Variants in ATP8B4 observed in about 807,000 individuals in gnomAD.
ATP8B4 encodes the protein probable phospholipid-transporting ATPase IM.
ATP8B4 carries 133 observed loss-of-function variants against 145.6 expected under a neutral mutation model. The ratio of observed to expected loss-of-function variants is 0.91; its 90% CI spans 0.79 to 1.05. The LOEUF is 1.05. ATP8B4 is among the 50% of genes least tolerant of loss of function. The probability of loss-of-function intolerance (pLI) is 0.00; values close to 1 mark genes in which losing one functional copy is unlikely to be tolerated. For missense variants in ATP8B4, 1,458 were observed against 1,425.2 expected (o/e 1.02, Z -0.37); for synonymous variants, 507 against 492.9 (o/e 1.03, Z -0.38).
intron 9 of ATP8B4, among the ~76,000 whole-genome samples, chr15:49,988,719 A>G (rs1258908270): frequency 1.3e-5 from 2 of 152,196 alleles, no homozygotes; most frequent in Non-Finnish European, 2.9e-5. Context: ...GAGATCCTCT[A>G]TATTACACTG....
At chr15:50,179,944 C>A (rs1163894470) in intron 1 of ATP8B4, among the ~76,000 whole-genome samples, 1 of 152,210 alleles carries the variant, frequency 6.6e-6, no homozygotes, top group Non-Finnish European at 1.5e-5. Context: ...AGGCTCAAAG[C>A]TGGAATCACT....
rs561795770 is a variant in ATP8B4 at position 50,066,439 on chromosome 15, T to C, written c.87+7688A>G. ...ACGTGTCACACTGCTTGTCATCATCTGTACTCTTTAGTTGGTGCATCTGGT... is the reference window on the plus strand; with the variant it reads ...ACGTGTCACACTGCTTGTCATCATCCGTACTCTTTAGTTGGTGCATCTGGT... On this transcript the variant is annotated intron_variant, in intron 3 of 27. Transcript: ENST00000284509. Among the ~76,000 whole-genome samples, 31 of 152,298 alleles carry C rather than the reference T, an allele frequency of 2.0e-4. No individual in the cohort carries two copies. In the South Asian group the frequency reaches 5.4e-3, roughly 26 times the overall value.
intron 2 of ATP8B4, among the ~76,000 whole-genome samples, chr15:50,085,877 T>TTATATATTTATATATGATATATATCA (rs75284088): frequency 8.4e-4 from 29 of 34,712 alleles, no homozygotes; most frequent in Non-Finnish European, 1.1e-3. Flanking sequence ...TCATATATAT[T>TTATATATTTATATATGATATATATCA]TATATATTTA....
chr15:49,975,735 G>A (rs770795210), intron 12 of ATP8B4, among the ~76,000 whole-genome samples: 2 of 151,996 alleles, frequency 1.3e-5, no homozygotes, highest in Non-Finnish European at 2.9e-5. Context: ...TTGTCCTACT[G>A]AAAGTTTTAC....
At chr15:49,914,514 G>C (rs927784447) in intron 20 of ATP8B4, among the ~76,000 whole-genome samples, 2 of 152,030 alleles carry the variant, frequency 1.3e-5, no homozygotes, top group African/African-American at 4.8e-5. Flanking sequence ...CACAGCAAAG[G>C]AAACAATCAA....
At chr15:50,053,883 C>G (rs140484788) in intron 3 of ATP8B4, among the ~76,000 whole-genome samples, 1 of 151,938 alleles carries the variant, frequency 6.6e-6, no homozygotes, top group Non-Finnish European at 1.5e-5. Flanking sequence ...GTAAACAAAG[C>G]AAATAGAAAA....
At chr15:50,029,750 A>T (rs2050296929) in intron 6 of ATP8B4, among the ~76,000 whole-genome samples, 1 of 152,182 alleles carries the variant, frequency 6.6e-6, no homozygotes, top group Non-Finnish European at 1.5e-5. Flanking sequence ...GATGAAGGAG[A>T]GGGAATCATA....
intron 14 of ATP8B4, among the ~76,000 whole-genome samples, chr15:49,957,945 A>C (rs964908491): frequency 6.6e-6 from 1 of 151,844 alleles, no homozygotes; most frequent in African/African-American, 2.4e-5. Context: ...TACCTTAAGA[A>C]CAGAGAATAC....
At chr15:50,106,273 A>C (rs566668642) in intron 2 of ATP8B4, among the ~76,000 whole-genome samples, 3 of 152,340 alleles carry the variant, frequency 2.0e-5, no homozygotes, top group African/African-American at 7.2e-5. Context: ...CCACTGAAGG[A>C]AAAAGTACAT....
intron 1 of ATP8B4, among the ~76,000 whole-genome samples, chr15:50,141,916 C>A (rs1003315753): frequency 6.6e-6 from 1 of 152,212 alleles, no homozygotes; most frequent in African/African-American, 2.4e-5. Flanking sequence ...AGAGGTGTTG[C>A]GGTAAGCCAG....
intron 5 of ATP8B4, among the ~76,000 whole-genome samples, chr15:50,040,551 C>T (rs2051196889): frequency 6.6e-6 from 1 of 152,234 alleles, no homozygotes; most frequent in Admixed American, 6.5e-5. Context: ...GGTGAAAGCA[C>T]ATTCAAGCAT....
chr15:50,009,963 A>C (rs541523472), intron 7 of ATP8B4, among the ~76,000 whole-genome samples: 1 of 152,294 alleles, frequency 6.6e-6, no homozygotes, highest in South Asian at 2.1e-4. Context: ...GTTCTGGAGA[A>C]TTCAGTATAC....
At chr15:49,962,108 T>C in intron 13 of ATP8B4, 88 bp from the exon 14 acceptor site, 1 of 977,276 alleles carries the variant, frequency 1.0e-6, no homozygotes, top group Non-Finnish European at 1.5e-6. Flanking sequence ...TTATTATTTA[T>C]TACATCACCA....
chr15:49,866,435 C>T lies in ATP8B4; in HGVS notation c.3077G>A (p.Trp1026Ter). Residue 1026 changes from tryptophan to a stop codon, truncating the protein, a stop_gained, in exon 26 of 28, where the codon TGG becomes TAG. Transcript: ENST00000284509. LOFTEE classifies it high-confidence loss of function. ...GGAGAAATAAATGGCAATGCTCCCC[C>T]AGATGAAGACGTGATTAATGAAAGT... is the stretch of plus-strand genomic sequence containing the variant. ...YWTFINHVFI[W>*]GSIAIYFSIL... The T allele has an allele frequency of 6.2e-7, 1 of 1,613,648 alleles. No individual in the cohort carries two copies. Among genetic ancestry groups the T allele is most frequent in the Non-Finnish European group, 8.5e-7 (1 of 1,179,540 alleles).
chr15:49,880,301 T>C (rs1001106472), intron 23 of ATP8B4: 2 of 152,160 alleles, frequency 1.3e-5, no homozygotes, highest in African/African-American at 2.4e-5. Context: ...GGATCTAACA[T>C]GCAGCTTTCT....
intron 1 of ATP8B4, among the ~76,000 whole-genome samples, chr15:50,118,885 A>C (rs2057227697): frequency 6.6e-6 from 1 of 151,920 alleles, no homozygotes; most frequent in Non-Finnish European, 1.5e-5. Context: ...AGAGTAAAAA[A>C]TAGACATTTC....
chr15:50,140,473 AT>A (rs956784481), intron 1 of ATP8B4, among the ~76,000 whole-genome samples: 7 of 152,192 alleles, frequency 4.6e-5, no homozygotes, highest in Non-Finnish European at 1.0e-4. Context: ...TTCATTAAAT[AT>A]TTTTTGATTG....
intron 12 of ATP8B4, among the ~76,000 whole-genome samples, chr15:49,977,638 G>A (rs1410290979): frequency 6.6e-6 from 1 of 151,664 alleles, no homozygotes; most frequent in Non-Finnish European, 1.5e-5. Flanking sequence ...AAATATAAAA[G>A]GCTAAAAAAA....
At chr15:49,971,266 A>C (rs1196219570) in intron 13 of ATP8B4, among the ~76,000 whole-genome samples, 1 of 152,230 alleles carries the variant, frequency 6.6e-6, no homozygotes, top group Non-Finnish European at 1.5e-5. Flanking sequence ...CAAAATTGAC[A>C]AATGGGACCT....
Sources: gnomAD v4.1 joint callset for allele counts (sites outside exome capture counted in the v4.1 genomes callset) on GRCh38, gnomAD v4.1.1 for gene constraint, MANE v1.5 for transcripts, NCBI Gene and HGNC (gene_info 2026-07-23, HGNC 2026-07-21) for gene names.